Variants in SLC35B4 observed in about 807,000 individuals in gnomAD.
SLC35B4 encodes nucleotide sugar transporter SLC35B4.
Under a neutral mutation model 39.5 loss-of-function variants are expected in SLC35B4, and 28 were observed. The ratio of observed to expected loss-of-function variants is 0.71; its 90% CI spans 0.53 to 0.97. The LOEUF (loss-of-function observed/expected upper bound fraction) is 0.97. Among genes scored for constraint, SLC35B4 ranks in the 50% least tolerant of loss-of-function variants. SLC35B4 has a pLI of 0.00. For missense variants in SLC35B4, 334 were observed against 414.3 expected, an observed-to-expected ratio of 0.81 and a Z score of 1.68; for synonymous variants, 145 against 150.4, an observed-to-expected ratio of 0.96 and a Z score of 0.26.
At chr7:134,307,061 A>C (rs1464020692) in intron 2 of SLC35B4, among the ~76,000 whole-genome samples, 1 of 152,256 alleles carries the variant, frequency 6.6e-6, no homozygotes, top group Non-Finnish European at 1.5e-5. Flanking sequence ...CTTTGTAAAT[A>C]ATTTTCATAT....
Position 134,292,783 on chromosome 7 carries a change from A to T in SLC35B4, c.*2050T>A, listed in dbSNP as rs1431406348. 6.6e-6 allele frequency: 1 copy of T among 152,226 alleles called. No individual in the cohort carries two copies. Among genetic ancestry groups the T allele is most frequent in the Admixed American group, 6.5e-5 (1 of 15,284 alleles). 9.4% of individuals were successfully genotyped at this position (152,226 alleles called of 1,614,324 possible). On this transcript the variant is annotated 3_prime_UTR_variant, in exon 10 of 10. Transcript: ENST00000378509. ...TGAGGAACTCTACATATTTCAAAGC[A>T]AGTGGCTTTTGATCCTATGAATAGG...
rs1585629645 is a variant in SLC35B4 at position 134,292,455 on chromosome 7, G to A, written c.*2378C>T. ...GCCTCCTATTCATAAGACTGGCTGAGGTATTCACGCTGAGATGAATACACA... is the reference window on the plus strand; with the variant it reads ...GCCTCCTATTCATAAGACTGGCTGAAGTATTCACGCTGAGATGAATACACA... On this transcript the variant is annotated 3_prime_UTR_variant, in exon 10 of 10. Coordinates refer to ENST00000378509, the MANE Select transcript of SLC35B4 (RefSeq NM_032826.5). 2.0e-5 allele frequency: 3 copies of A among 152,202 alleles called. No homozygotes were observed. In the East Asian group the frequency reaches 5.8e-4, roughly 29 times the overall value. The allele number at this position is 152,202 out of a possible 1,614,324, so 9.4% of individuals were successfully genotyped here.
At chr7:134,302,994 G>A (rs1337302962) in intron 4 of SLC35B4, among the ~76,000 whole-genome samples, 1 of 152,112 alleles carries the variant, frequency 6.6e-6, no homozygotes, top group East Asian at 1.9e-4. Flanking sequence ...CAAAGATCAC[G>A]CTGAAGAGGT....
Position 134,294,801 on chromosome 7 carries a change from G to A in SLC35B4, c.*32C>T, listed in dbSNP as rs1259159840. 2.5e-6 allele frequency: 4 copies of A among 1,609,168 alleles called. No homozygotes were observed. Among genetic ancestry groups the A allele is most frequent in the Non-Finnish European group, 2.5e-6 (3 of 1,176,966 alleles). ...GACCTTCACAGGGTCCCACCCTCAC[G>A]ACGACACTGGTCTACGTACTCCAGA... is the stretch of plus-strand genomic sequence containing the variant. On this transcript the variant is annotated 3_prime_UTR_variant, in exon 10 of 10. Coordinates refer to ENST00000378509, the MANE Select transcript of SLC35B4 (RefSeq NM_032826.5).
At position 134,301,794 on chromosome 7, in the gene SLC35B4, C is replaced by G. The variant is rs1394175207; in HGVS notation, c.454G>C (p.Asp152His). 2 of 1,613,948 alleles carry G rather than the reference C, an allele frequency of 1.2e-6. No homozygotes were observed. Among genetic ancestry groups the G allele is most frequent in the Non-Finnish European group, 1.7e-6 (2 of 1,179,974 alleles). The change falls in exon 6 of 10, where the codon GAT becomes CAT. Residue 152 changes from aspartate to histidine, a missense_variant. Physicochemically the swap from Asp to His is moderately conservative, Grantham distance 81. Transcript: ENST00000378509. ...CACCACACAAATGCCTGGAATCCAT[C>G]ATTCTCACTCAAGCTGGACTGGGAA... is the stretch of plus-strand genomic sequence containing the variant. ...VTSQSSLSEN[D>H]GFQAFVWWLL...
upstream of SLC35B4, among the ~76,000 whole-genome samples, chr7:134,317,569 T>C (rs1453806793): frequency 6.6e-6 from 1 of 152,206 alleles, no homozygotes. Context: ...TTCTCAAACT[T>C]AGCTGCGCAG....
intron 8 of SLC35B4, 106 bp downstream of exon 8, chr7:134,299,417 A>T (rs41274185): frequency 0.014 from 11,473 of 823,430 alleles, 229 homozygotes; most frequent in African/African-American, 0.067. Context: ...AAAGGAACAC[A>T]TGATTTGAAT....
intron 9 of SLC35B4, among the ~76,000 whole-genome samples, chr7:134,295,671 G>C (rs115846207): frequency 0.026 from 3,998 of 151,556 alleles, 114 homozygotes; most frequent in African/African-American, 0.067. Flanking sequence ...CTGCAGCCTC[G>C]ATCTCCTGGG....
intron 1 of SLC35B4, among the ~76,000 whole-genome samples, chr7:134,313,467 C>T (rs1696115529): frequency 6.6e-6 from 1 of 152,132 alleles, no homozygotes; most frequent in Non-Finnish European, 1.5e-5. Context: ...TAATATCTTG[C>T]CTAGTTAGTT....
At chr7:134,320,274 T>A (rs1303562180), upstream of SLC35B4, among the ~76,000 whole-genome samples, 1 of 152,114 alleles carries the variant, frequency 6.6e-6, no homozygotes, top group Admixed American at 6.5e-5. Flanking sequence ...AAAGGGTTGA[T>A]CCCCGAGATG....
chr7:134,299,963 C>A (rs934008240), intron 7 of SLC35B4, among the ~76,000 whole-genome samples, 189 bp downstream of exon 7: 1 of 152,204 alleles, frequency 6.6e-6, no homozygotes, highest in African/African-American at 2.4e-5. Flanking sequence ...TGATCGTGAT[C>A]ATCTCATGTA....
upstream of SLC35B4, among the ~76,000 whole-genome samples, chr7:134,317,976 C>T (rs1174542640): frequency 6.6e-6 from 1 of 152,222 alleles, no homozygotes; most frequent in East Asian, 1.9e-4. Context: ...TTGAATCCAA[C>T]AGCAATAGCA....
At chr7:134,307,741 G>C (rs1053669530) in intron 2 of SLC35B4, among the ~76,000 whole-genome samples, 1 of 152,162 alleles carries the variant, frequency 6.6e-6, no homozygotes, top group African/African-American at 2.4e-5. Flanking sequence ...GATCTTCCCT[G>C]AAAGAACCGA....
In SLC35B4 at chr7:134,316,748, G is replaced by A. The variant is rs866673495; in HGVS notation, c.4C>T (p.Arg2Cys). The A allele has an allele frequency of 1.3e-6, 2 of 1,548,744 alleles. No homozygotes were observed. Among genetic ancestry groups the A allele is most frequent in the East Asian group, 2.4e-5 (1 of 40,918 alleles). Residue 2 changes from arginine (R) to cysteine (C), a missense_variant, in exon 1 of 10, where the codon CGC (arginine) becomes TGC (cysteine). Physicochemically the swap from Arg to Cys is radical, Grantham distance 180. Transcript: ENST00000378509. M[R>C]PALAVGLVFA... ...ACCAGGCCCACCGCCAAGGCCGGGC[G>A]CATGGCCGGTGCAGGGTTGGGGAAG...
intron 5 of SLC35B4, 39 bp downstream of exon 5, chr7:134,301,990 A>C (rs2117293054): frequency 6.3e-7 from 1 of 1,592,816 alleles, no homozygotes; most frequent in East Asian, 2.2e-5. Context: ...GGGCCCCAAT[A>C]GCAAGTAGTG....
In SLC35B4 at chr7:134,309,378, G is replaced by T; in HGVS notation, c.179C>A (p.Ala60Asp). Residue 60 changes from alanine (A) to aspartate (D), a missense_variant, in exon 2 of 10, where the codon GCT becomes GAT. Physicochemically the swap from Ala to Asp is moderately radical, Grantham distance 126 (BLOSUM62 -2). Transcript: ENST00000378509. ...FEADLGRKPP[A>D]IPIRYYAIMV... ...TAATGTACCATACCTTATTGGGATA[G>T]CTGGTGGCTTCCTTCCCAAATCAGC... The T allele has an allele frequency of 6.2e-7, 1 of 1,606,928 alleles. No individual in the cohort carries two copies.
Position 134,292,643 on chromosome 7 carries a change from T to C in SLC35B4, c.*2190A>G, listed in dbSNP as rs1211085089. ...TAAGAGTTCAGAGACTCCAGATCCA[T>C]AGCAATGAAGTCGCCTCTAGGGACA... On this transcript the variant is annotated 3_prime_UTR_variant, in exon 10 of 10. Transcript: ENST00000378509. 1 of 152,202 alleles carries C rather than the reference T, an allele frequency of 6.6e-6. No individual in the cohort carries two copies. Among genetic ancestry groups the C allele is most frequent in the Middle Eastern group, 3.2e-3 (1 of 316 alleles). 9.4% of individuals were successfully genotyped at this position (152,202 alleles called of 1,614,324 possible). A position where few individuals can be genotyped will look rare whatever the true frequency, so the allele number is the denominator to read the frequency against.
intron 4 of SLC35B4, among the ~76,000 whole-genome samples, chr7:134,303,613 C>G (rs768578468): frequency 4.6e-5 from 7 of 152,188 alleles, no homozygotes; most frequent in Non-Finnish European, 7.3e-5. Flanking sequence ...TTTTATGACA[C>G]AGCCCTTAAT....
At chr7:134,296,044 G>A (rs1225521064) in intron 9 of SLC35B4, among the ~76,000 whole-genome samples, 1 of 151,884 alleles carries the variant, frequency 6.6e-6, no homozygotes, top group Non-Finnish European at 1.5e-5. Flanking sequence ...GGCCAGGCTG[G>A]TCTCAAACTC....
Sources: gnomAD v4.1 joint callset for allele counts (sites outside exome capture counted in the v4.1 genomes callset) on GRCh38, gnomAD v4.1.1 for gene constraint, MANE v1.5 for transcripts, NCBI Gene and HGNC (gene_info 2026-07-23, HGNC 2026-07-21) for gene names.